Variants in FGGY observed in about 807,000 individuals in gnomAD.
FGGY encodes the protein FGGY carbohydrate kinase domain containing.
FGGY carries 72 observed loss-of-function variants against 71.3 expected under a neutral mutation model. The observed-to-expected ratio is 1.01, with a 90% confidence interval of 0.84 to 1.23. The LOEUF is 1.23. Among genes scored for constraint, FGGY ranks in the 50% most tolerant of loss-of-function variants. FGGY has a pLI of 0.00. For missense variants in FGGY, 668 were observed against 682.3 expected, an observed-to-expected ratio of 0.98 and a Z score of 0.23; for synonymous variants, 251 against 250.3, an observed-to-expected ratio of 1.00 and a Z score of -0.02.
intron 8 of FGGY, among the ~76,000 whole-genome samples, chr1:59,600,982 C>CTTTTTTTTT: frequency 7.9e-6 from 1 of 127,042 alleles, no homozygotes. Context: ...ATTCTCTATG[C>CTTTTTTTTT]TTTTTTTTTT....
At chr1:59,362,930 T>G (rs1360794854) in intron 4 of FGGY, among the ~76,000 whole-genome samples, 2 of 152,142 alleles carry the variant, frequency 1.3e-5, no homozygotes, top group African/African-American at 4.8e-5. Flanking sequence ...TGACAGACCA[T>G]TTTTTTGCAA....
intron 6 of FGGY, among the ~76,000 whole-genome samples, chr1:59,480,876 G>A (rs969030748): frequency 6.6e-6 from 1 of 152,146 alleles, no homozygotes; most frequent in African/African-American, 2.4e-5. Context: ...CATCCCGTGT[G>A]TTAGCCTCTA....
At chr1:59,637,866 A>C (rs1215650161) in intron 10 of FGGY, among the ~76,000 whole-genome samples, 1 of 152,170 alleles carries the variant, frequency 6.6e-6, no homozygotes, top group East Asian at 1.9e-4. Context: ...CACATACATA[A>C]TCTTCTTTGA....
chr1:59,728,957 A>G (rs1173427993), intron 14 of FGGY, among the ~76,000 whole-genome samples: 1 of 152,092 alleles, frequency 6.6e-6, no homozygotes, highest in East Asian at 1.9e-4. Flanking sequence ...AGCCATTATT[A>G]CTTCAGATAT....
intron 14 of FGGY, among the ~76,000 whole-genome samples, chr1:59,702,940 G>A (rs2097721868): frequency 6.6e-6 from 1 of 152,068 alleles, no homozygotes; most frequent in Non-Finnish European, 1.5e-5. Flanking sequence ...GAGGGTTCTG[G>A]CTGTTAACCA....
chr1:59,518,102 T>C (rs575634118), intron 7 of FGGY, among the ~76,000 whole-genome samples: 1 of 152,362 alleles, frequency 6.6e-6, no homozygotes, highest in South Asian at 2.1e-4. Flanking sequence ...GGGCCAGATA[T>C]TGAATTGGTT....
intron 10 of FGGY, among the ~76,000 whole-genome samples, chr1:59,630,340 G>C (rs1395520388): frequency 6.6e-6 from 1 of 152,088 alleles, no homozygotes; most frequent in Non-Finnish European, 1.5e-5. Context: ...GAAGTTTGGT[G>C]GTGGTTGCTA....
intron 8 of FGGY, among the ~76,000 whole-genome samples, chr1:59,584,651 T>C (rs1282303574): frequency 6.7e-6 from 1 of 149,926 alleles, no homozygotes; most frequent in African/African-American, 2.5e-5. Context: ...TTCAACGTAG[T>C]GTTGGAAGTT....
intron 1 of FGGY, among the ~76,000 whole-genome samples, chr1:59,320,358 T>G (rs1374722005): frequency 6.6e-6 from 1 of 152,256 alleles, no homozygotes; most frequent in Non-Finnish European, 1.5e-5. Flanking sequence ...GGAAACATTT[T>G]CTTTCTGAAG....
intron 2 of FGGY, among the ~76,000 whole-genome samples, chr1:59,330,588 G>T (rs1286536064): frequency 6.7e-6 from 1 of 150,152 alleles, no homozygotes; most frequent in East Asian, 2.0e-4. Flanking sequence ...AAAAAGAAAA[G>T]AAAAGAAATG....
rs557031568 is a variant in FGGY, at chr1:59,351,226, A to G, written c.465+4828A>G. Among the ~76,000 whole-genome samples the G allele has an allele frequency of 5.3e-5, 8 of 152,362 alleles. 2 individuals are homozygous for G. The South Asian group carries it at 1.7e-3, about 32-fold the overall frequency. Reference sequence around the variant, plus strand: ...AGTTGAGACAGAGACTATGTCGCCTACAGGGCAGAATATATATGTACCATC... The same window carrying G: ...AGTTGAGACAGAGACTATGTCGCCTGCAGGGCAGAATATATATGTACCATC... On this transcript the variant is annotated intron_variant, in intron 4 of 15. Transcript: ENST00000303721.
intron 6 of FGGY, among the ~76,000 whole-genome samples, chr1:59,468,612 C>T (rs1316803649): frequency 2.0e-5 from 3 of 152,148 alleles, no homozygotes; most frequent in African/African-American, 7.2e-5. Flanking sequence ...GTGGCTCACA[C>T]CTGTAATCCC....
At chr1:59,589,349 C>G (rs191333569) in intron 8 of FGGY, among the ~76,000 whole-genome samples, 1 of 152,116 alleles carries the variant, frequency 6.6e-6, no homozygotes, top group South Asian at 2.1e-4. Flanking sequence ...GAGACTTTAA[C>G]ACCCCACTGT....
At chr1:59,296,944 G>A (rs2042022043), upstream of FGGY, 1 of 152,608 alleles carries the variant, frequency 6.6e-6, no homozygotes, top group South Asian at 2.1e-4. Context: ...GTGGGCGCTG[G>A]GGGCTTTTGC....
At chr1:59,567,320 A>G (rs978501437) in intron 8 of FGGY, among the ~76,000 whole-genome samples, 1 of 151,416 alleles carries the variant, frequency 6.6e-6, no homozygotes, top group Non-Finnish European at 1.5e-5. Context: ...GCAGGCCAAA[A>G]ATATATATAT....
intron 5 of FGGY, among the ~76,000 whole-genome samples, chr1:59,432,870 G>A (rs558773252): frequency 6.6e-6 from 1 of 152,286 alleles, no homozygotes; most frequent in South Asian, 2.1e-4. Context: ...TAGTTAATAA[G>A]TAAACGGCAA....
At chr1:59,369,114 G>C (rs2057095714) in intron 4 of FGGY, among the ~76,000 whole-genome samples, 1 of 152,168 alleles carries the variant, frequency 6.6e-6, no homozygotes, top group Non-Finnish European at 1.5e-5. Context: ...GCGAGGCATT[G>C]CCTCACTCGG....
chr1:59,370,449 CG>C (rs1187985040), intron 4 of FGGY, among the ~76,000 whole-genome samples: 1 of 152,148 alleles, frequency 6.6e-6, no homozygotes, highest in Non-Finnish European at 1.5e-5. Context: ...CTGAAAGTGA[CG>C]GGGAGAATGG....
intron 11 of FGGY, among the ~76,000 whole-genome samples, chr1:59,644,085 A>C (rs947663612): frequency 6.6e-6 from 1 of 152,046 alleles, no homozygotes; most frequent in Non-Finnish European, 1.5e-5. Context: ...TTGTCCTCCC[A>C]CTTTTACCCT....
Sources: allele counts gnomAD v4.1 joint callset (sites outside exome capture counted in the v4.1 genomes callset), GRCh38; gene constraint gnomAD v4.1.1; transcripts MANE v1.5; gene names NCBI Gene and HGNC (gene_info 2026-07-23, HGNC 2026-07-21).